Variants in PIAS3 observed in about 807,000 individuals in gnomAD.
The protein encoded by PIAS3 is protein inhibitor of activated STAT 3.
In PIAS3, 34 loss-of-function variants were observed where a neutral mutation model predicts 67.6. That is an observed-to-expected ratio of 0.50 (90% CI 0.38 to 0.67). The LOEUF (loss-of-function observed/expected upper bound fraction) is 0.67. Among genes scored for constraint, PIAS3 ranks in the 30% least tolerant of loss-of-function variants. The pLI is 0.00. For missense variants in PIAS3, 693 were observed against 791.6 expected, an observed-to-expected ratio of 0.88 and a Z score of 1.49; for synonymous variants, 341 against 313.8, an observed-to-expected ratio of 1.09 and a Z score of -0.92.
At chr1:145,857,040 C>T in intron 1 of PIAS3, 34 bp from the exon 2 acceptor site, 3 of 1,598,210 alleles carry the variant, frequency 1.9e-6, no homozygotes, top group Non-Finnish European at 2.6e-6. Flanking sequence ...TGAGCATCCT[C>T]CCTTGCACAG....
At chr1:145,853,245 AC>A (rs1304663091) in intron 9 of PIAS3, among the ~76,000 whole-genome samples, 1 of 152,056 alleles carries the variant, frequency 6.6e-6, no homozygotes, top group African/African-American at 2.4e-5. Flanking sequence ...CCCAGTCTTT[AC>A]TAAAAATACA....
intron 12 of PIAS3, 90 bp from the exon 13 acceptor site, chr1:145,850,359 G>A: frequency 3.1e-6 from 5 of 1,611,460 alleles, no homozygotes; most frequent in Non-Finnish European, 4.2e-6. Context: ...CCCCTTGCAG[G>A]AGAAGCAGGA....
At chr1:145,858,116 C>T (rs781872925) in intron 1 of PIAS3, among the ~76,000 whole-genome samples, 12 of 152,016 alleles carry the variant, frequency 7.9e-5, no homozygotes, top group Admixed American at 1.3e-4. Context: ...AGGAGGGGAG[C>T]GCTCTCCTTA....
Position 145,850,220 on chromosome 1 carries a change from A to T in PIAS3, c.1620+12T>A, listed in dbSNP as rs985601972. 11 of 1,614,152 alleles carry T rather than the reference A, an allele frequency of 6.8e-6. No homozygotes were observed. In the Middle Eastern group the frequency reaches 8.2e-4, roughly 121 times the overall value. On this transcript the variant is annotated intron_variant, in intron 13 of 13. Transcript: ENST00000393045. ...CAGAGATCTGAGACCTTCTGAAGAAAGAACCACTTACCTGACTCTCTGTCT... is the reference window on the plus strand; with the variant it reads ...CAGAGATCTGAGACCTTCTGAAGAATGAACCACTTACCTGACTCTCTGTCT...
chr1:145,857,031 G>C, intron 1 of PIAS3, 25 bp from the exon 2 acceptor site: 2 of 1,608,128 alleles, frequency 1.2e-6, no homozygotes, highest in South Asian at 1.1e-5. Flanking sequence ...AGAGAAGCTT[G>C]AGCATCCTCC....
intron 9 of PIAS3, among the ~76,000 whole-genome samples, chr1:145,853,187 A>C (rs1490286932): frequency 1.3e-5 from 2 of 152,164 alleles, no homozygotes; most frequent in Non-Finnish European, 2.9e-5. Flanking sequence ...AAGTGGGCAG[A>C]TCACCTGAGG....
intron 1 of PIAS3, among the ~76,000 whole-genome samples, chr1:145,857,886 A>G (rs1653256396): frequency 1.3e-5 from 2 of 152,188 alleles, no homozygotes; most frequent in East Asian, 1.9e-4. Flanking sequence ...AGCTCTAAAC[A>G]GAGACCCTGG....
chr1:145,850,272 G>C lies in PIAS3; in HGVS notation c.1583-3C>G. The C allele has an allele frequency of 6.2e-7, 1 of 1,614,114 alleles. No individual in the cohort carries two copies. Among genetic ancestry groups the C allele is most frequent in the Non-Finnish European group, 8.5e-7 (1 of 1,179,984 alleles). ...AAGAAATGAAAATAAATCTAAACCT[G>C]GCAGGAAAAGAAAAATCAAAATTAA... On this transcript the variant is annotated splice_region_variant and splice_polypyrimidine_tract_variant and intron_variant, in intron 12 of 13. Coordinates refer to ENST00000393045, the MANE Select transcript of PIAS3 (RefSeq NM_006099.3).
rs1652918243 is a variant in PIAS3, at chr1:145,850,616, G to A, written c.1449-30C>T. The A allele has an allele frequency of 4.3e-6, 7 of 1,609,352 alleles. No individual in the cohort carries two copies. The South Asian group carries it at 6.6e-5, about 15-fold the overall frequency. The stretch of plus-strand genomic sequence containing the variant: ...GGGTAGAGAGGAGCTGAGGCAGCCA[G>A]CAAACCACAGATGCCCTCACCCAGC... On this transcript the variant is annotated intron_variant, in intron 11 of 13. Coordinates refer to ENST00000393045, the MANE Select transcript of PIAS3 (RefSeq NM_006099.3).
chr1:145,856,678 G>C lies in PIAS3; in HGVS notation c.353C>G (p.Pro118Arg), dbSNP rs1553735700. ...GPKREVDMHP[P>R]LPQPVHPDVT... Reference sequence around the variant, plus strand: ...ATCAGGGTGCACAGGCTGGGGCAGAGGGGGGTGCATGTCCACCTCACGCTT... The same window carrying C: ...ATCAGGGTGCACAGGCTGGGGCAGACGGGGGTGCATGTCCACCTCACGCTT... Residue 118 changes from proline to arginine, a missense_variant, in exon 2 of 14, where the codon CCT becomes CGT. Around this residue, in one of 3 missense-constraint regions of PIAS3, gnomAD observed 308 missense variants for 348.8 expected, o/e 0.88. Coordinates refer to ENST00000393045, the MANE Select transcript of PIAS3 (RefSeq NM_006099.3). 6.2e-7 allele frequency: 1 copy of C among 1,607,756 alleles called. No homozygotes were observed. Among genetic ancestry groups the C allele is most frequent in the Admixed American group, 1.7e-5 (1 of 59,588 alleles).
At chr1:145,854,010 G>A (rs1428490547) in intron 7 of PIAS3, 124 bp from the exon 8 acceptor site, 26 of 733,754 alleles carry the variant, frequency 3.5e-5, no homozygotes, top group Non-Finnish European at 5.8e-5. Flanking sequence ...TTGGGGGCCA[G>A]TGGGACGTCA....
intron 9 of PIAS3, among the ~76,000 whole-genome samples, chr1:145,851,816 G>C (rs1553734458): frequency 6.6e-6 from 1 of 151,862 alleles, no homozygotes; most frequent in East Asian, 1.9e-4. Flanking sequence ...AGCCGGATGT[G>C]GCGGCACATG....
chr1:145,853,427 A>G (rs1553734778), intron 9 of PIAS3, 77 bp downstream of exon 9: 6 of 1,220,768 alleles, frequency 4.9e-6, no homozygotes, highest in Non-Finnish European at 5.7e-6. Context: ...AAAAAAAGAA[A>G]AGAAAAAGAA....
At position 145,850,225 on chromosome 1, in the gene PIAS3, C is replaced by A. The variant is rs587595548; in HGVS notation, c.1620+7G>T. ...ATCTGAGACCTTCTGAAGAAAGAAC[C>A]ACTTACCTGACTCTCTGTCTGAAGA... On this transcript the variant is annotated splice_region_variant and intron_variant, in intron 13 of 13. Transcript: ENST00000393045. 6.2e-6 allele frequency: 10 copies of A among 1,614,166 alleles called. No individual in the cohort carries two copies. The South Asian group carries it at 9.9e-5, about 16-fold the overall frequency.
In PIAS3 at chr1:145,853,509, AATG is replaced by A; in HGVS notation, c.1137_1139del (p.Ile380del). 1.2e-6 allele frequency: 2 copies of A among 1,607,710 alleles called. No homozygotes were observed. The highest frequency in any genetic ancestry group is 2.2e-5 in the East Asian group (1 of 44,702). On this transcript the variant is annotated inframe_deletion, in exon 9 of 14. Transcript: ENST00000393045. ...AGGAAGCAAAATGGCCCTACCCATC[AATG>A]ATAAGAGATTCATAGGGAGCCTTCT...
In PIAS3 at chr1:145,855,774, G is replaced by T; in HGVS notation, c.631C>A (p.Leu211Ile). Residue 211 changes from leucine to isoleucine, a missense_variant, in exon 5 of 14, where the codon CTC becomes ATC. This residue lies in a region of PIAS3 where 308 missense variants were observed against 348.8 expected (regional missense o/e 0.88). Transcript: ENST00000393045. ...AGTTTCCCATTGACCTTGACAAAGAGGTTGGGGGGAAAATAATCTTCCTGG... is the reference window on the plus strand; with the variant it reads ...AGTTTCCCATTGACCTTGACAAAGATGTTGGGGGGAAAATAATCTTCCTGG... ...CPQEDYFPPN[L>I]FVKVNGKLCP... 1 of 1,610,612 alleles carries T rather than the reference G, an allele frequency of 6.2e-7. No homozygotes were observed. The highest frequency in any genetic ancestry group is 8.5e-7 in the Non-Finnish European group (1 of 1,176,838).
intron 9 of PIAS3, chr1:145,851,458 C>T (rs1039622069): frequency 7.2e-6 from 2 of 277,090 alleles, no homozygotes. Flanking sequence ...GAGTTCAAGA[C>T]CAGCCTGGCC....
chr1:145,849,407 A>G lies in PIAS3; in HGVS notation c.*39T>C, dbSNP rs376787501. On this transcript the variant is annotated 3_prime_UTR_variant, in exon 14 of 14. Transcript: ENST00000393045. ...TTGGGACTCCACAGCATACTTGCTC[A>G]GTGTTGGGGGACAGCGAAGTTTCCA... is the stretch of plus-strand genomic sequence containing the variant. 11 of 1,451,778 alleles carry G rather than the reference A, an allele frequency of 7.6e-6. No homozygotes were observed. The highest frequency in any genetic ancestry group is 9.9e-6 in the Non-Finnish European group (11 of 1,108,780). 89.9% of individuals were successfully genotyped at this position (1,451,778 alleles called of 1,614,324 possible).
chr1:145,858,621 A>C (rs1653288837), intron 1 of PIAS3, among the ~76,000 whole-genome samples: 5 of 137,316 alleles, frequency 3.6e-5, no homozygotes, highest in African/African-American at 8.5e-5. Flanking sequence ...GCCTTGATCG[A>C]CTCGCCCCCA....
Sources: allele counts gnomAD v4.1 joint callset (sites outside exome capture counted in the v4.1 genomes callset), GRCh38; gene constraint gnomAD v4.1.1; regional missense constraint gnomAD v4.1.1; transcripts MANE v1.5; gene names NCBI Gene and HGNC (gene_info 2026-07-23, HGNC 2026-07-21).